The following XKR9 variants were observed in gnomAD, a reference collection of about 807,000 sequenced individuals.
XKR9 encodes XK related 9, also known as XK-related protein 9.
Under a neutral mutation model 32.0 loss-of-function variants are expected in XKR9, and 32 were observed. The observed-to-expected ratio is 1.00, with a 90% CI of 0.76 to 1.34. XKR9 has a LOEUF of 1.34. Ranked by LOEUF, XKR9 falls within the 40% of genes most tolerant of loss-of-function variation. The pLI is 0.00. For missense variants in XKR9, 546 were observed against 429.7 expected (o/e 1.27, Z -2.39); for synonymous variants, 168 against 143.4 (o/e 1.17, Z -1.22).
chr8:71,021,283 A>G, the XKR9 span, among the ~76,000 whole-genome samples: 1 of 152,126 alleles, frequency 6.6e-6, no homozygotes, highest in Non-Finnish European at 1.5e-5. Context: ...TTAGTGATGC[A>G]GAGCATTTTT....
At chr8:70,698,585 G>T (rs1403387017) in intron 3 of XKR9, among the ~76,000 whole-genome samples, 1 of 152,168 alleles carries the variant, frequency 6.6e-6, no homozygotes, top group African/African-American at 2.4e-5. Flanking sequence ...TACATTTGCT[G>T]AGGAGAGCTT....
At chr8:70,729,713 A>G (rs1806598953) in intron 4 of XKR9, among the ~76,000 whole-genome samples, 2 of 152,180 alleles carry the variant, frequency 1.3e-5, no homozygotes, top group Non-Finnish European at 2.9e-5. Context: ...CATAATTATA[A>G]TTATTAATGA....
intron 2 of XKR9, among the ~76,000 whole-genome samples, chr8:70,781,307 C>T (rs1178891194): frequency 6.6e-6 from 1 of 152,150 alleles, no homozygotes; most frequent in Non-Finnish European, 1.5e-5. Flanking sequence ...ATTCTTTAAA[C>T]ATTCTGGTTA....
chr8:70,793,063 T>C (rs1807784334), downstream of XKR9, among the ~76,000 whole-genome samples: 1 of 152,148 alleles, frequency 6.6e-6, no homozygotes, highest in African/African-American at 2.4e-5. Flanking sequence ...TAGTGTAAGC[T>C]CTTCTGTTTA....
At chr8:70,919,249 G>T in the XKR9 span, among the ~76,000 whole-genome samples, 3 of 152,122 alleles carry the variant, frequency 2.0e-5, no homozygotes, top group Non-Finnish European at 4.4e-5. Context: ...ATATATCATA[G>T]AATACTTTTT....
At chr8:71,054,985 A>C in the XKR9 span, among the ~76,000 whole-genome samples, 1 of 152,204 alleles carries the variant, frequency 6.6e-6, no homozygotes. Context: ...CTTCCTTTCT[A>C]GTCTCTGAAC....
At chr8:70,745,967 C>T (rs996645513) in intron 2 of XKR9, among the ~76,000 whole-genome samples, 3 of 152,158 alleles carry the variant, frequency 2.0e-5, no homozygotes, top group African/African-American at 7.2e-5. Context: ...AGCATTTGCA[C>T]ATATACATGT....
intron 2 of XKR9, among the ~76,000 whole-genome samples, chr8:70,747,039 A>C (rs1011259426): frequency 1.3e-5 from 2 of 152,024 alleles, no homozygotes; most frequent in Admixed American, 6.5e-5. Flanking sequence ...GTGTTAATTC[A>C]CTTACGATAA....
At chr8:70,891,962 C>T in the XKR9 span, among the ~76,000 whole-genome samples, 22 of 151,972 alleles carry the variant, frequency 1.4e-4, no homozygotes, top group African/African-American at 4.8e-4. Flanking sequence ...TATATATTTA[C>T]AATTGTTATA....
chr8:70,703,021 A>T (rs992015771), intron 3 of XKR9, among the ~76,000 whole-genome samples: 1 of 151,898 alleles, frequency 6.6e-6, no homozygotes, highest in African/African-American at 2.4e-5. Context: ...TTCTTTTTAC[A>T]TTTGATTTTC....
At chr8:70,814,778 A>T in the XKR9 span, among the ~76,000 whole-genome samples, 8 of 152,258 alleles carry the variant, frequency 5.3e-5, no homozygotes, top group African/African-American at 4.8e-5. Flanking sequence ...AATAAGTGGT[A>T]TCCAAAGTGG....
the XKR9 span, among the ~76,000 whole-genome samples, chr8:70,887,466 T>A: frequency 1.3e-5 from 2 of 152,076 alleles, no homozygotes; most frequent in Non-Finnish European, 2.9e-5. Flanking sequence ...GTGAAGAAAC[T>A]CAATGGTAGC....
chr8:70,817,520 A>T, the XKR9 span, among the ~76,000 whole-genome samples: 1 of 152,194 alleles, frequency 6.6e-6, no homozygotes, highest in African/African-American at 2.4e-5. Flanking sequence ...GTGGATCAGA[A>T]GAATCAATAT....
the XKR9 span, among the ~76,000 whole-genome samples, chr8:70,904,146 A>G: frequency 6.6e-6 from 1 of 152,222 alleles, no homozygotes; most frequent in African/African-American, 2.4e-5. Context: ...CACTTGGTGC[A>G]GAGCTGAGTT....
At chr8:70,911,168 C>G in the XKR9 span, among the ~76,000 whole-genome samples, 2 of 152,144 alleles carry the variant, frequency 1.3e-5, no homozygotes, top group Admixed American at 6.6e-5. Flanking sequence ...GATGGAATAA[C>G]CAGGGGATGG....
At chr8:71,000,796 C>T in the XKR9 span, among the ~76,000 whole-genome samples, 6 of 152,304 alleles carry the variant, frequency 3.9e-5, no homozygotes, top group South Asian at 8.3e-4. Context: ...GTGGACCTGC[C>T]GCAAGAAGAT....
chr8:70,669,727 C>G (rs1368775970), intron 1 of XKR9, among the ~76,000 whole-genome samples, 189 bp downstream of exon 1: 1 of 139,954 alleles, frequency 7.1e-6, no homozygotes, highest in Non-Finnish European at 1.5e-5. Flanking sequence ...AGTGCAGTGG[C>G]GCGATCTCGG....
At chr8:70,910,966 G>T in the XKR9 span, among the ~76,000 whole-genome samples, 1 of 152,164 alleles carries the variant, frequency 6.6e-6, no homozygotes, top group Non-Finnish European at 1.5e-5. Context: ...AGCACCTAGG[G>T]TCTGCTTACT....
the XKR9 span, among the ~76,000 whole-genome samples, chr8:70,905,706 G>A: frequency 1.7e-4 from 26 of 152,186 alleles, no homozygotes; most frequent in African/African-American, 6.3e-4. Flanking sequence ...GAGGTGCTCT[G>A]ATTATTAGAA....
Sources: allele counts gnomAD v4.1 joint callset (sites outside exome capture counted in the v4.1 genomes callset), GRCh38; gene constraint gnomAD v4.1.1; transcripts MANE v1.5; gene names NCBI Gene and HGNC (gene_info 2026-07-23, HGNC 2026-07-21).